Variants in ANXA4 observed in about 807,000 individuals in gnomAD.
ANXA4 encodes 35-beta calcimedin.
ANXA4 carries 39 observed loss-of-function variants against 49.8 expected under a neutral mutation model. The ratio of observed to expected loss-of-function variants is 0.78; its 90% CI spans 0.61 to 1.02. ANXA4 has a LOEUF of 1.02. Among genes scored for constraint, ANXA4 ranks in the 50% least tolerant of loss-of-function variants. ANXA4 has a pLI of 0.00. For synonymous variants in ANXA4, 134 were observed against 152.5 expected, an observed-to-expected ratio of 0.88 and a Z score of 0.89; for missense variants, 360 against 410.1, an observed-to-expected ratio of 0.88 and a Z score of 1.05.
In ANXA4 at chr2:69,807,891, T is replaced by C. The variant is rs1420290917; in HGVS notation, c.307-15T>C. 1 of 1,613,366 alleles carries C rather than the reference T, an allele frequency of 6.2e-7. No individual in the cohort carries two copies. Among genetic ancestry groups the C allele is most frequent in the Non-Finnish European group, 8.5e-7 (1 of 1,179,394 alleles). ...AACTGGCTCATATAGCCCTGTCCTC[T>C]GGTTTCTTGTTTAGGGAGCCGGCAC... is the stretch of plus-strand genomic sequence containing the variant. On this transcript the variant is annotated splice_polypyrimidine_tract_variant and intron_variant, in intron 5 of 12. Transcript: ENST00000394295.
At chr2:69,691,121 C>G (rs74636963) in intron 2 of ANXA4, among the ~76,000 whole-genome samples, 1 of 145,114 alleles carries the variant, frequency 6.9e-6, no homozygotes, top group South Asian at 2.2e-4. Flanking sequence ...CTGGTACAGT[C>G]TTTTTTTTTT....
chr2:69,713,182 T>TAA (rs563756869), intron 2 of ANXA4, among the ~76,000 whole-genome samples: 3 of 143,512 alleles, frequency 2.1e-5, no homozygotes, highest in African/African-American at 7.6e-5. Context: ...TATTATGAAG[T>TAA]AAAAAAAAAA....
intron 3 of ANXA4, among the ~76,000 whole-genome samples, chr2:69,728,222 T>G (rs1053559221): frequency 3.3e-5 from 5 of 152,234 alleles, no homozygotes; most frequent in Non-Finnish European, 2.9e-5. Context: ...TATCCTGTTC[T>G]TCTCATGCTT....
chr2:69,676,240 A>G (rs1677409905), intron 2 of ANXA4, among the ~76,000 whole-genome samples: 1 of 152,158 alleles, frequency 6.6e-6, no homozygotes, highest in African/African-American at 2.4e-5. Flanking sequence ...AAGTGAATAA[A>G]GGAATTTCAC....
At chr2:69,778,543 A>T (rs1009209397) in intron 1 of ANXA4, among the ~76,000 whole-genome samples, 8 of 152,310 alleles carry the variant, frequency 5.3e-5, no homozygotes, top group African/African-American at 1.9e-4. Flanking sequence ...TGGGAGGCCG[A>T]GGCGGGCAGA....
At position 69,747,075 on chromosome 2, in the gene ANXA4, C is replaced by T. The variant is rs539435788; in HGVS notation, c.-47+4900C>T. On this transcript the variant is annotated intron_variant, in intron 1 of 12. Coordinates refer to ENST00000394295, the MANE Select transcript of ANXA4 (RefSeq NM_001153.5). ...TAACCCTTGAGGCCTAGAAGAAACA[C>T]ACAGAACAAGCAGCCTGACATGTAA... Among the ~76,000 whole-genome samples the T allele has an allele frequency of 7.2e-5, 11 of 152,208 alleles. No homozygotes were observed. In the South Asian group the frequency reaches 1.2e-3, roughly 17 times the overall value.
chr2:69,794,157 G>T (rs564844642), intron 3 of ANXA4, among the ~76,000 whole-genome samples: 52 of 152,340 alleles, frequency 3.4e-4, no homozygotes, highest in African/African-American at 1.3e-3. Flanking sequence ...CAGCTGGACT[G>T]CAGATCCCTT....
chr2:69,709,813 G>A (rs1456551210), intron 2 of ANXA4, among the ~76,000 whole-genome samples: 1 of 152,116 alleles, frequency 6.6e-6, no homozygotes, highest in Admixed American at 6.6e-5. Flanking sequence ...GCTTGTAAGG[G>A]AAGCACCAAG....
intron 3 of ANXA4, among the ~76,000 whole-genome samples, chr2:69,797,755 A>G (rs1208953946): frequency 6.6e-6 from 1 of 152,206 alleles, no homozygotes; most frequent in East Asian, 1.9e-4. Context: ...TTGGTTTTGG[A>G]GGACATGTTC....
At chr2:69,666,689 A>G (rs1005502665) in intron 2 of ANXA4, among the ~76,000 whole-genome samples, 1 of 152,236 alleles carries the variant, frequency 6.6e-6, no homozygotes, top group Non-Finnish European at 1.5e-5. Context: ...ATACTACAAC[A>G]TGGATGAATC....
At chr2:69,681,401 G>C (rs1677594682) in intron 2 of ANXA4, among the ~76,000 whole-genome samples, 1 of 138,868 alleles carries the variant, frequency 7.2e-6, no homozygotes. Context: ...GTCTCACTCT[G>C]TTGCCCAGGC....
At chr2:69,692,331 G>T (rs1678004917) in intron 2 of ANXA4, among the ~76,000 whole-genome samples, 1 of 152,198 alleles carries the variant, frequency 6.6e-6, no homozygotes, top group African/African-American at 2.4e-5. Flanking sequence ...AAAGTCAAGG[G>T]ATTTAGGCCT....
At chr2:69,743,507 C>T (rs550826335) in intron 1 of ANXA4, among the ~76,000 whole-genome samples, 4 of 152,276 alleles carry the variant, frequency 2.6e-5, no homozygotes, top group Non-Finnish European at 4.4e-5. Flanking sequence ...CATGAGCCAC[C>T]GTGCCCAGCG....
chr2:69,703,754 G>A (rs1051684592), intron 2 of ANXA4, among the ~76,000 whole-genome samples: 8 of 151,952 alleles, frequency 5.3e-5, no homozygotes, highest in African/African-American at 1.9e-4. Context: ...GTTTATTTCT[G>A]GATTTCCTAT....
chr2:69,800,579 C>G (rs114000453), intron 3 of ANXA4, among the ~76,000 whole-genome samples: 56 of 152,222 alleles, frequency 3.7e-4, no homozygotes, highest in African/African-American at 1.3e-3. Flanking sequence ...CACTGGGGTT[C>G]AAAGAGAAGA....
At chr2:69,731,039 GC>G (rs1670083209) in intron 3 of ANXA4, among the ~76,000 whole-genome samples, 1 of 152,206 alleles carries the variant, frequency 6.6e-6, no homozygotes, top group African/African-American at 2.4e-5. Flanking sequence ...GAAGCCAAAA[GC>G]CACGATGTCA....
intron 1 of ANXA4, among the ~76,000 whole-genome samples, chr2:69,767,586 A>C (rs1223606275): frequency 2.0e-5 from 3 of 152,212 alleles, no homozygotes; most frequent in Admixed American, 6.5e-5. Flanking sequence ...TTGTTCTCCC[A>C]CCAGAAAGGC....
At chr2:69,781,407 G>GT (rs1190565601) in intron 1 of ANXA4, 113 bp from the exon 2 acceptor site, 15 of 815,410 alleles carry the variant, frequency 1.8e-5, no homozygotes, top group Non-Finnish European at 2.8e-5. Context: ...TTTTGATTAA[G>GT]TTGGGTGTCA....
chr2:69,703,928 C>T (rs1678410863), intron 2 of ANXA4, among the ~76,000 whole-genome samples: 1 of 151,948 alleles, frequency 6.6e-6, no homozygotes, highest in Non-Finnish European at 1.5e-5. Context: ...GTGCGTGCCA[C>T]CCCCCCGCAG....
Sources: gnomAD v4.1 joint callset for allele counts (sites outside exome capture counted in the v4.1 genomes callset) on GRCh38, gnomAD v4.1.1 for gene constraint, MANE v1.5 for transcripts, NCBI Gene and HGNC (gene_info 2026-07-23, HGNC 2026-07-21) for gene names.